Variants in CDK12 observed in about 807,000 individuals in gnomAD.
CDK12 encodes cyclin dependent kinase 12.
CDK12 carries 17 observed loss-of-function variants against 133.8 expected under a neutral mutation model. That is an observed-to-expected ratio of 0.13 (90% CI 0.09 to 0.19). The LOEUF is 0.19. Among genes scored for constraint, CDK12 ranks in the 10% least tolerant of loss-of-function variants. The pLI, the probability that CDK12 is intolerant of heterozygous loss-of-function variation, is 1.00. For missense variants in CDK12, 1,508 were observed against 1,818.7 expected, an observed-to-expected ratio of 0.83 and a Z score of 3.11; for synonymous variants, 694 against 683.6, an observed-to-expected ratio of 1.02 and a Z score of -0.24.
chr17:39,541,802 T>A (rs987555640), intron 1 of CDK12, among the ~76,000 whole-genome samples: 1 of 152,210 alleles, frequency 6.6e-6, no homozygotes, highest in African/African-American at 2.4e-5. Flanking sequence ...ATGTATCACT[T>A]CCTGATGGAA....
chr17:39,499,462 G>A (rs1317359485), intron 5 of CDK12, among the ~76,000 whole-genome samples: 1 of 149,884 alleles, frequency 6.7e-6, no homozygotes, highest in African/African-American at 2.5e-5. Flanking sequence ...GCCCGCCTTG[G>A]CCTCCCAAAG....
At chr17:39,530,487 C>A (rs2054763685) in intron 13 of CDK12, 117 bp from the exon 14 acceptor site, 2 of 1,375,704 alleles carry the variant, frequency 1.5e-6, no homozygotes, top group Non-Finnish European at 1.9e-6. Context: ...AGATTTTATT[C>A]TTTATATATC....
chr17:39,507,871 G>A (rs950542358), intron 6 of CDK12, among the ~76,000 whole-genome samples: 3 of 152,134 alleles, frequency 2.0e-5, no homozygotes, highest in African/African-American at 7.2e-5. Context: ...TAATGTAATG[G>A]TGTTTGGGGC....
intron 3 of CDK12, among the ~76,000 whole-genome samples, chr17:39,559,121 A>G (rs573703131): frequency 6.6e-6 from 1 of 152,304 alleles, no homozygotes; most frequent in Admixed American, 6.5e-5. Context: ...TTTCCCTCCT[A>G]TACCTAAAAG....
chr17:39,488,235 A>G (rs1347622713), intron 2 of CDK12, among the ~76,000 whole-genome samples: 1 of 147,082 alleles, frequency 6.8e-6, no homozygotes, highest in African/African-American at 2.5e-5. Flanking sequence ...CCCTGTCTCA[A>G]AAAAAAAAAA....
chr17:39,480,442 T>TG (rs2050555908), intron 2 of CDK12, among the ~76,000 whole-genome samples: 1 of 151,406 alleles, frequency 6.6e-6, no homozygotes, highest in Admixed American at 6.6e-5. Context: ...GCTAGTTTTT[T>TG]TTTTGTTTTG....
chr17:39,508,316 A>G (rs923195901), intron 6 of CDK12, among the ~76,000 whole-genome samples: 1 of 152,176 alleles, frequency 6.6e-6, no homozygotes, highest in Non-Finnish European at 1.5e-5. Context: ...CCAGCTTCCT[A>G]TAAGACAGTG....
At chr17:39,469,845 C>T (rs943751900) in intron 1 of CDK12, among the ~76,000 whole-genome samples, 3 of 151,984 alleles carry the variant, frequency 2.0e-5, no homozygotes, top group Admixed American at 2.0e-4. Context: ...CCATGTTGGT[C>T]AGGCTAGTCT....
intron 5 of CDK12, among the ~76,000 whole-genome samples, chr17:39,498,128 A>G (rs552214553): frequency 2.6e-5 from 4 of 151,954 alleles, no homozygotes; most frequent in South Asian, 4.2e-4. Context: ...CAGCCTCCCA[A>G]GTAGCTAGGA....
At chr17:39,497,690 A>T (rs982524184) in intron 5 of CDK12, among the ~76,000 whole-genome samples, 1 of 151,434 alleles carries the variant, frequency 6.6e-6, no homozygotes, top group Non-Finnish European at 1.5e-5. Context: ...TACATCCTCA[A>T]CCTCCAGGCT....
chr17:39,485,734 A>T (rs370225127), intron 2 of CDK12, among the ~76,000 whole-genome samples: 4 of 150,788 alleles, frequency 2.7e-5, no homozygotes, highest in African/African-American at 9.7e-5. Context: ...AAAAAAAAAA[A>T]GCAGCTGTGG....
At chr17:39,549,602 C>T (rs1226093128), upstream of CDK12, 1 of 152,270 alleles carries the variant, frequency 6.6e-6, no homozygotes, top group East Asian at 1.9e-4. Flanking sequence ...TGCCCTGCCA[C>T]CTGGGTCCCA....
Position 39,462,894 on chromosome 17 carries a change from G to A in CDK12, c.823G>A (p.Val275Ile), listed in dbSNP as rs774485957. Residue 275 changes from valine (V) to isoleucine (I), a missense_variant, in exon 1 of 14, where the codon GTC becomes ATC. Val to Ile is a conservative substitution (Grantham distance 29). Transcript: ENST00000447079. The stretch of plus-strand genomic sequence containing the variant: ...TGGAAGTACCTCGAGAAGGCAGTCG[G>A]TCAGTCCCCCTTACAAGGAGCCTTC... ...SPGSTSRRQSVSPPYKEPSAY... is the reference protein window; with the variant it reads ...SPGSTSRRQSISPPYKEPSAY... The A allele has an allele frequency of 1.9e-6, 3 of 1,614,012 alleles. No individual in the cohort carries two copies. In the East Asian group the frequency reaches 6.7e-5, roughly 36 times the overall value.
In CDK12 at chr17:39,532,638, A is replaced by G. The variant is rs2054931208; in HGVS notation, c.*1322A>G. On this transcript the variant is annotated 3_prime_UTR_variant, in exon 14 of 14. Transcript: ENST00000447079. Reference sequence around the variant, plus strand: ...AAAACAGCATACTGTGAGGAAGAACAGTATTGACATACCCACATCCCAGCA... The same window carrying G: ...AAAACAGCATACTGTGAGGAAGAACGGTATTGACATACCCACATCCCAGCA... The G allele has an allele frequency of 4.3e-6, 1 of 232,580 alleles. No individual in the cohort carries two copies. Among genetic ancestry groups the G allele is most frequent in the Non-Finnish European group, 8.5e-6 (1 of 117,646 alleles). 14.4% of individuals were successfully genotyped at this position (232,580 alleles called of 1,614,324 possible).
In CDK12 at chr17:39,463,027, A is replaced by G; in HGVS notation, c.956A>G (p.Tyr319Cys). 1 of 1,614,152 alleles carries G rather than the reference A, an allele frequency of 6.2e-7. No homozygotes were observed. The highest frequency in any genetic ancestry group is 8.5e-7 in the Non-Finnish European group (1 of 1,180,026). The change falls in exon 1 of 14, where the codon TAC becomes TGC. Residue 319 changes from tyrosine to cysteine, a missense_variant. By Grantham distance (194) the Tyr-to-Cys change is radical (BLOSUM62 -2). This residue lies in a region of CDK12 where 460 missense variants were observed against 490.8 expected (regional missense o/e 0.94). Coordinates refer to ENST00000447079, the MANE Select transcript of CDK12 (RefSeq NM_016507.4). ...RSSSYERSGS[Y>C]SGRSPSPYGR... is the part of the protein sequence containing the mutation. ...TCCAGCTACGAAAGAAGTGGCTCTT[A>G]CAGCGGGCGATCGCCCAGTCCCTAT... is the stretch of plus-strand genomic sequence containing the variant.
chr17:39,561,766 C>T (rs1244941405), intron 3 of CDK12, among the ~76,000 whole-genome samples: 2 of 152,060 alleles, frequency 1.3e-5, no homozygotes, highest in East Asian at 1.9e-4. Flanking sequence ...ACAGTTTTCC[C>T]CACTCACTTA....
Position 39,533,193 on chromosome 17 carries a change from C to T in CDK12, c.*1877C>T, listed in dbSNP as rs577758880. The T allele has an allele frequency of 2.8e-3, 649 of 232,860 alleles. 2 individuals are homozygous for T. Among genetic ancestry groups the T allele is most frequent in the Admixed American group, 5.7e-3 (101 of 17,766 alleles). The allele number at this position is 232,860 out of a possible 1,614,324, so 14.4% of individuals were successfully genotyped here. On this transcript the variant is annotated 3_prime_UTR_variant, in exon 14 of 14. Transcript: ENST00000447079. ...TCGGTGTGTGTATTTCTTTATTATT[C>T]TCTGGTTTTTGATCTGGCCTTGCCT...
At chr17:39,478,802 A>T (rs1266225543) in intron 2 of CDK12, among the ~76,000 whole-genome samples, 1 of 151,982 alleles carries the variant, frequency 6.6e-6, no homozygotes, top group African/African-American at 2.4e-5. Flanking sequence ...TCTAGCCTGG[A>T]TAACAGTGAG....
rs887590343 is a variant in CDK12, at chr17:39,487,607, ATTTTTTTT to A, written c.1932-2930_1932-2923del. 1.0e-4 allele frequency among the ~76,000 whole-genome samples: 10 copies of A among 96,366 alleles called. 1 individual carries two copies. Among genetic ancestry groups the A allele is most frequent in the African/African-American group, 1.8e-4 (4 of 22,748 alleles). The allele number at this position is 96,366 out of a possible 152,430, so 63.2% of individuals were successfully genotyped here. A position where few individuals can be genotyped will look rare whatever the true frequency, so the allele number is the denominator to read the frequency against. ...TTTTTCTGAGGATGTGCATGACACA[ATTTTTTTT>A]TTTTTTTTTTTTTTTTTTTGAGATA... On this transcript the variant is annotated intron_variant, in intron 2 of 13. Coordinates refer to ENST00000447079, the MANE Select transcript of CDK12 (RefSeq NM_016507.4).
Sources: gnomAD v4.1 joint callset for allele counts (sites outside exome capture counted in the v4.1 genomes callset) on GRCh38, gnomAD v4.1.1 for gene constraint, gnomAD v4.1.1 regional missense constraint, MANE v1.5 for transcripts, NCBI Gene and HGNC (gene_info 2026-07-23, HGNC 2026-07-21) for gene names.